Variants in NAALADL2 observed in about 807,000 individuals in gnomAD.
The protein encoded by NAALADL2 is N-acetylated alpha-linked acidic dipeptidase like 2, also known as inactive N-acetylated-alpha-linked acidic dipeptidase-like protein 2.
Under a neutral mutation model 87.2 loss-of-function variants are expected in NAALADL2, and 76 were observed. The observed-to-expected ratio is 0.87, with a 90% CI of 0.72 to 1.05. The LOEUF is 1.05. NAALADL2 is among the 50% of genes least tolerant of loss of function. The pLI is 0.00. For synonymous variants in NAALADL2, 354 were observed against 331.0 expected (o/e 1.07, Z -0.75); for missense variants, 1,089 against 945.8 (o/e 1.15, Z -1.99).
At chr3:175,453,634 T>A (rs551667695) in intron 6 of NAALADL2, among the ~76,000 whole-genome samples, 2 of 152,252 alleles carry the variant, frequency 1.3e-5, no homozygotes, top group Non-Finnish European at 2.9e-5. Flanking sequence ...CAACTGAATT[T>A]TCATTAGAAT....
intron 2 of NAALADL2, among the ~76,000 whole-genome samples, chr3:175,185,300 C>T (rs1163461987): frequency 2.0e-5 from 3 of 151,826 alleles, no homozygotes; most frequent in African/African-American, 7.3e-5. Context: ...AATTGTATGC[C>T]CTGAAGAGAC....
chr3:175,605,644 T>TTTTTTGTTTG (rs1553931387), intron 10 of NAALADL2, among the ~76,000 whole-genome samples: 33 of 133,034 alleles, frequency 2.5e-4, no homozygotes, highest in Admixed American at 1.8e-3. Flanking sequence ...TTGCTTGTTT[T>TTTTTTGTTTG]TTTTTTTTTT....
intron 3 of NAALADL2, among the ~76,000 whole-genome samples, chr3:174,795,008 TGAGA>T (rs1717919165): frequency 7.1e-6 from 1 of 140,048 alleles, no homozygotes; most frequent in Non-Finnish European, 1.5e-5. Flanking sequence ...TTTTTTTTTT[TGAGA>T]CAGAGTTTCG....
rs547095636 is a variant in NAALADL2, at chr3:175,540,918, A to G, written c.1654-35123A>G. Among the ~76,000 whole-genome samples the G allele has an allele frequency of 2.0e-5, 3 of 152,328 alleles. No homozygotes were observed. The South Asian group carries it at 6.2e-4, about 32-fold the overall frequency. ...AAAATTTACCTCAAAGCTTATTACA[A>G]TGCAGTAGGTCAGGAATTGGATCAG... On this transcript the variant is annotated intron_variant, in intron 9 of 13. Transcript: ENST00000454872.
chr3:174,823,129 A>G (rs545685211), intron 3 of NAALADL2, among the ~76,000 whole-genome samples: 5 of 152,310 alleles, frequency 3.3e-5, no homozygotes, highest in Admixed American at 3.3e-4. Flanking sequence ...ATTTACTGTC[A>G]TCAAAGTAGG....
At chr3:174,446,105 C>T (rs1037202367) in intron 1 of NAALADL2, among the ~76,000 whole-genome samples, 2 of 152,132 alleles carry the variant, frequency 1.3e-5, no homozygotes, top group Non-Finnish European at 2.9e-5. Flanking sequence ...ATATTTTGAG[C>T]TCAGCATGAA....
chr3:174,638,580 G>A (rs1722876446), intron 2 of NAALADL2, among the ~76,000 whole-genome samples: 2 of 151,232 alleles, frequency 1.3e-5, no homozygotes, highest in Admixed American at 6.6e-5. Context: ...GAAGAAGGAG[G>A]GTCAGGTTTT....
At chr3:175,386,247 C>T (rs1268777457) in intron 5 of NAALADL2, among the ~76,000 whole-genome samples, 1 of 150,940 alleles carries the variant, frequency 6.6e-6, no homozygotes. Context: ...ATTCTGTAGG[C>T]CCCCCTCCCA....
intron 11 of NAALADL2, among the ~76,000 whole-genome samples, chr3:175,696,730 A>G (rs1340144380): frequency 6.6e-6 from 1 of 152,118 alleles, no homozygotes; most frequent in African/African-American, 2.4e-5. Context: ...ATAGAATACC[A>G]CAGACCAGGT....
chr3:174,818,405 T>G (rs1327414188), intron 3 of NAALADL2, among the ~76,000 whole-genome samples: 1 of 152,106 alleles, frequency 6.6e-6, no homozygotes, highest in Non-Finnish European at 1.5e-5. Context: ...CCTGGGCTCC[T>G]AAGAGAAACT....
In NAALADL2 at chr3:175,228,329, T is replaced by C. The variant is rs181254805; in HGVS notation, c.546-5602T>C. On this transcript the variant is annotated intron_variant, in intron 2 of 13. Transcript: ENST00000454872. ...CTTTTCCAGAGTTTTCCCCCTTGGA[T>C]ATTGTGGGAGTAGCAATCAATATCT... 7.4e-4 allele frequency among the ~76,000 whole-genome samples: 112 copies of C among 152,108 alleles called. 1 individual carries two copies. Among genetic ancestry groups the C allele is most frequent in the Admixed American group, 1.3e-3 (20 of 15,252 alleles).
chr3:175,452,049 C>T (rs528777496), intron 6 of NAALADL2, among the ~76,000 whole-genome samples: 19 of 152,156 alleles, frequency 1.2e-4, no homozygotes, highest in African/African-American at 4.1e-4. Context: ...TATTTATTGG[C>T]AAATGGTGCC....
At chr3:175,102,336 T>A (rs2862010) in intron 2 of NAALADL2, among the ~76,000 whole-genome samples, 97,818 of 151,904 alleles carry the variant, frequency 0.64, 31,925 homozygotes, top group African/African-American at 0.76. Flanking sequence ...TTGCAGAACC[T>A]CCAGCCTTCC....
chr3:174,611,737 C>G (rs191169508), intron 2 of NAALADL2, among the ~76,000 whole-genome samples: 3 of 151,710 alleles, frequency 2.0e-5, no homozygotes, highest in African/African-American at 7.3e-5. Flanking sequence ...ATTACAGGTG[C>G]ATGCCGCCAC....
chr3:174,921,666 G>A (rs569017990), intron 1 of NAALADL2, among the ~76,000 whole-genome samples: 30 of 151,890 alleles, frequency 2.0e-4, no homozygotes, highest in Middle Eastern at 6.8e-3. Context: ...TTAGCTGGGC[G>A]TGGTGGCGGG....
chr3:175,564,412 TGCAGTCTGA>T (rs1716780902), intron 9 of NAALADL2, among the ~76,000 whole-genome samples: 1 of 152,202 alleles, frequency 6.6e-6, no homozygotes, highest in Non-Finnish European at 1.5e-5. Flanking sequence ...TAAACATATT[TGCAGTCTGA>T]GAGAGTTAAT....
chr3:175,468,493 A>G (rs1471144483), intron 8 of NAALADL2, among the ~76,000 whole-genome samples: 1 of 152,070 alleles, frequency 6.6e-6, no homozygotes, highest in Non-Finnish European at 1.5e-5. Flanking sequence ...ACCATTTTTA[A>G]TACATCAGAA....
intron 1 of NAALADL2, among the ~76,000 whole-genome samples, chr3:174,512,533 A>G (rs1013477448): frequency 7.2e-5 from 11 of 152,078 alleles, no homozygotes; most frequent in African/African-American, 2.7e-4. Context: ...AGTGATTTCT[A>G]CTCACACGTC....
chr3:174,902,231 AT>A (rs1275435219), intron 1 of NAALADL2, among the ~76,000 whole-genome samples: 4 of 152,146 alleles, frequency 2.6e-5, no homozygotes, highest in Non-Finnish European at 4.4e-5. Flanking sequence ...GATACATCCA[AT>A]AACCTATGTC....
Sources: gnomAD v4.1 joint callset for allele counts (sites outside exome capture counted in the v4.1 genomes callset) on GRCh38, gnomAD v4.1.1 for gene constraint, MANE v1.5 for transcripts, NCBI Gene and HGNC (gene_info 2026-07-23, HGNC 2026-07-21) for gene names.